The following CHODL variants were observed in gnomAD, a reference collection of about 807,000 sequenced individuals.
CHODL encodes the protein chondrolectin.
Under a neutral mutation model 34.5 loss-of-function variants are expected in CHODL, and 29 were observed. The observed-to-expected ratio is 0.84, with a 90% CI of 0.63 to 1.15. The LOEUF is 1.15. Among genes scored for constraint, CHODL ranks in the 50% most tolerant of loss-of-function variants. The pLI is 0.00. For synonymous variants in CHODL, 125 were observed against 116.1 expected (o/e 1.08, Z -0.49); for missense variants, 332 against 332.5 (o/e 1.00, Z 0.01).
chr21:18,143,400 T>G (rs1204824042), intron 2 of CHODL, among the ~76,000 whole-genome samples: 1 of 152,196 alleles, frequency 6.6e-6, no homozygotes, highest in Non-Finnish European at 1.5e-5. Context: ...ATGATTTTAA[T>G]TATTATGACA....
intron 1 of CHODL, among the ~76,000 whole-genome samples, chr21:17,934,240 A>AAG (rs1000718058): frequency 1.3e-5 from 2 of 151,864 alleles, no homozygotes; most frequent in African/African-American, 4.9e-5. Context: ...AAAATAAAAA[A>AAG]AAAAAACACA....
intron 2 of CHODL, among the ~76,000 whole-genome samples, chr21:18,171,815 TAG>T (rs202008301): frequency 0.084 from 12,822 of 151,898 alleles, 769 homozygotes; most frequent in East Asian, 0.3. Flanking sequence ...ATGTGTCCAC[TAG>T]GTCTCTTCTC....
At chr21:17,970,480 GAGA>G (rs2063605961) in intron 1 of CHODL, among the ~76,000 whole-genome samples, 2 of 152,256 alleles carry the variant, frequency 1.3e-5, no homozygotes, top group South Asian at 2.1e-4. Flanking sequence ...CTTAACTAAA[GAGA>G]AGAAGGTTTT....
At chr21:17,997,574 G>T (rs2063862331) in intron 1 of CHODL, among the ~76,000 whole-genome samples, 1 of 152,080 alleles carries the variant, frequency 6.6e-6, no homozygotes, top group African/African-American at 2.4e-5. Context: ...AAACTGAGAA[G>T]AAAAAAAGGT....
At chr21:18,045,625 GTT>G (rs938458457) in intron 2 of CHODL, among the ~76,000 whole-genome samples, 2 of 151,950 alleles carry the variant, frequency 1.3e-5, no homozygotes, top group African/African-American at 4.8e-5. Context: ...CATTTTTGAT[GTT>G]TTAATTCACC....
At chr21:18,008,097 AC>A (rs1314149958) in intron 1 of CHODL, among the ~76,000 whole-genome samples, 1 of 151,962 alleles carries the variant, frequency 6.6e-6, no homozygotes, top group Non-Finnish European at 1.5e-5. Flanking sequence ...AAGTTGAAAA[AC>A]ATTTACTTTT....
chr21:18,151,102 A>G (rs796606928), intron 2 of CHODL, among the ~76,000 whole-genome samples: 2,259 of 148,932 alleles, frequency 0.015, 66 homozygotes, highest in African/African-American at 0.054. Context: ...AAAAAAAAAA[A>G]AAAGAAAGAA....
chr21:18,251,454 T>A (rs1260599946), intron 1 of CHODL, among the ~76,000 whole-genome samples: 1 of 71,740 alleles, frequency 1.4e-5, no homozygotes, highest in African/African-American at 5.8e-5. Context: ...AAAATACATA[T>A]TTATTTTATT....
intron 2 of CHODL, among the ~76,000 whole-genome samples, chr21:18,102,980 C>T (rs2065233089): frequency 6.6e-6 from 1 of 152,102 alleles, no homozygotes; most frequent in South Asian, 2.1e-4. Flanking sequence ...TTCTGGAATC[C>T]AAACCAAAGA....
chr21:18,042,118 GA>G (rs968860309), intron 2 of CHODL, among the ~76,000 whole-genome samples: 9 of 150,992 alleles, frequency 6.0e-5, no homozygotes, highest in African/African-American at 2.2e-4. Flanking sequence ...CTTAAAATTT[GA>G]AAAAAAATGT....
At chr21:18,028,725 A>G (rs2064213489) in intron 2 of CHODL, among the ~76,000 whole-genome samples, 1 of 146,308 alleles carries the variant, frequency 6.8e-6, no homozygotes, top group South Asian at 2.2e-4. Flanking sequence ...AAAAAAAAGA[A>G]CTAGTCTTGT....
intron 2 of CHODL, among the ~76,000 whole-genome samples, chr21:18,152,314 C>T (rs1269992703): frequency 6.6e-6 from 1 of 152,116 alleles, no homozygotes; most frequent in African/African-American, 2.4e-5. Context: ...TATATTGTTG[C>T]ATATCAAATT....
chr21:18,020,500 G>C (rs1237695742), intron 1 of CHODL, among the ~76,000 whole-genome samples: 3 of 152,072 alleles, frequency 2.0e-5, no homozygotes, highest in Admixed American at 2.0e-4. Context: ...ATGTGGTAAG[G>C]CTGAATTCCT....
chr21:18,007,369 A>G (rs867453261), intron 1 of CHODL, among the ~76,000 whole-genome samples: 1 of 152,328 alleles, frequency 6.6e-6, no homozygotes, highest in African/African-American at 2.4e-5. Flanking sequence ...TGTTTATCCA[A>G]TATGTATTTA....
At chr21:18,009,219 T>TA (rs1395999946) in intron 1 of CHODL, among the ~76,000 whole-genome samples, 1 of 152,232 alleles carries the variant, frequency 6.6e-6, no homozygotes, top group African/African-American at 2.4e-5. Context: ...TATTCATTCA[T>TA]ATACTTTAGC....
intron 1 of CHODL, among the ~76,000 whole-genome samples, chr21:17,939,638 ATTCC>A (rs2063347354): frequency 1.3e-5 from 2 of 152,138 alleles, no homozygotes; most frequent in Non-Finnish European, 2.9e-5. Flanking sequence ...CATCCTCTCA[ATTCC>A]TTTCCTTCTC....
At chr21:18,264,240 G>T (rs997788360) in intron 5 of CHODL, among the ~76,000 whole-genome samples, 1 of 152,072 alleles carries the variant, frequency 6.6e-6, no homozygotes, top group African/African-American at 2.4e-5. Flanking sequence ...CTGGGGCTGG[G>T]ATGGTCAGGG....
intron 1 of CHODL, among the ~76,000 whole-genome samples, chr21:17,928,631 A>T (rs1183942724): frequency 6.6e-6 from 1 of 152,252 alleles, no homozygotes; most frequent in Non-Finnish European, 1.5e-5. Context: ...GAATCTAAAA[A>T]AAAAGATGAA....
At chr21:18,009,519 G>A (rs532372309) in intron 1 of CHODL, among the ~76,000 whole-genome samples, 7 of 151,956 alleles carry the variant, frequency 4.6e-5, no homozygotes, top group Non-Finnish European at 1.0e-4. Context: ...CATAAAATGA[G>A]GATAATGTTA....
Sources: allele counts gnomAD v4.1 joint callset (sites outside exome capture counted in the v4.1 genomes callset), GRCh38; gene constraint gnomAD v4.1.1; transcripts MANE v1.5; gene names NCBI Gene and HGNC (gene_info 2026-07-23, HGNC 2026-07-21).